OMA1: variants seen among roughly 807,000 people sequenced by gnomAD.
The protein encoded by OMA1 is metalloendopeptidase OMA1, mitochondrial.
OMA1 carries 38 observed loss-of-function variants against 30.9 expected under a neutral mutation model. The ratio of observed to expected loss-of-function variants is 1.23; its 90% CI spans 0.95 to 1.61. The LOEUF is 1.61. Among genes scored for constraint, OMA1 ranks in the 40% most tolerant of loss-of-function variants. The probability of loss-of-function intolerance (pLI) is 0.00; values close to 1 mark genes in which losing one functional copy is unlikely to be tolerated. For missense variants in OMA1, 461 were observed against 349.2 expected, an observed-to-expected ratio of 1.32 and a Z score of -2.55; for synonymous variants, 173 against 121.9, an observed-to-expected ratio of 1.42 and a Z score of -2.76.
intron 7 of OMA1, among the ~76,000 whole-genome samples, chr1:58,518,581 A>G (rs1418813666): frequency 6.6e-6 from 1 of 151,898 alleles, no homozygotes; most frequent in Non-Finnish European, 1.5e-5. Flanking sequence ...TAGAACTGCC[A>G]GGACTTGGTG....
intron 1 of OMA1, among the ~76,000 whole-genome samples, chr1:58,544,016 C>G (rs149803710): frequency 1.3e-5 from 2 of 152,130 alleles, no homozygotes; most frequent in African/African-American, 4.8e-5. Flanking sequence ...AGGGTCCAGG[C>G]AAGTGAATAT....
chr1:58,541,966 T>C (rs1485328767), intron 1 of OMA1, among the ~76,000 whole-genome samples: 5 of 152,200 alleles, frequency 3.3e-5, no homozygotes, highest in African/African-American at 1.2e-4. Context: ...AAAAAATATG[T>C]AAACTTCAAC....
intron 8 of OMA1, among the ~76,000 whole-genome samples, chr1:58,503,414 A>T (rs1569905342): frequency 6.6e-6 from 1 of 152,148 alleles, no homozygotes; most frequent in East Asian, 1.9e-4. Flanking sequence ...TATCAGGTAA[A>T]TTTCACTGCT....
chr1:58,525,323 T>A (rs1557453376), intron 7 of OMA1, among the ~76,000 whole-genome samples: 1 of 137,230 alleles, frequency 7.3e-6, no homozygotes. Context: ...ATCCTATGTA[T>A]AAGTGGATCT....
At chr1:58,489,543 A>T (rs1411286446) in intron 8 of OMA1, among the ~76,000 whole-genome samples, 1 of 152,250 alleles carries the variant, frequency 6.6e-6, no homozygotes, top group Non-Finnish European at 1.5e-5. Context: ...AAAAGGCAGC[A>T]GAAACCTCTG....
chr1:58,532,668 C>T (rs1480237370), intron 5 of OMA1, among the ~76,000 whole-genome samples: 1 of 152,124 alleles, frequency 6.6e-6, no homozygotes, highest in Non-Finnish European at 1.5e-5. Flanking sequence ...GCTGGAACTA[C>T]AGGTGTGAGC....
chr1:58,535,740 T>C lies in OMA1; in HGVS notation c.729+773A>G, dbSNP rs180763602. 2.4e-3 allele frequency among the ~76,000 whole-genome samples: 360 copies of C among 152,196 alleles called. 1 individual carries two copies. Among genetic ancestry groups the C allele is most frequent in the African/African-American group, 7.9e-3 (330 of 41,552 alleles). On this transcript the variant is annotated intron_variant, in intron 3 of 8. Coordinates refer to ENST00000371226, the MANE Select transcript of OMA1 (RefSeq NM_145243.5). The stretch of plus-strand genomic sequence containing the variant: ...CTGGAGAGAAAATGACCTCTGTCCC[T>C]AAGAAACTCACTAGGGTACAAAATG...
chr1:58,494,902 A>G (rs1168575226), intron 8 of OMA1, among the ~76,000 whole-genome samples: 1 of 152,228 alleles, frequency 6.6e-6, no homozygotes, highest in Non-Finnish European at 1.5e-5. Context: ...CATTTGACCC[A>G]GCCATCGCAT....
intron 2 of OMA1, among the ~76,000 whole-genome samples, chr1:58,537,075 T>G (rs1381687673): frequency 6.6e-6 from 1 of 151,368 alleles, no homozygotes; most frequent in Non-Finnish European, 1.5e-5. Flanking sequence ...TCTCTCTCTC[T>G]CTCTCTCTCT....
chr1:58,545,017 G>A (rs1187617989), intron 1 of OMA1, among the ~76,000 whole-genome samples: 1 of 152,098 alleles, frequency 6.6e-6, no homozygotes, highest in Non-Finnish European at 1.5e-5. Flanking sequence ...TTACAGTCAT[G>A]AGCCACCACG....
chr1:58,517,623 AAATT>A lies in OMA1; in HGVS notation c.1215+9634_1215+9637del, dbSNP rs140191321. Among the ~76,000 whole-genome samples the A allele has an allele frequency of 5.4e-3, 822 of 152,346 alleles. 4 individuals are homozygous for A. The highest frequency in any genetic ancestry group is 0.019 in the African/African-American group (788 of 41,580). ...ATTCATAATACTTCAAACTTTGTTA[AAATT>A]ATTTATTAAATTTCTGTCTCTTGAA... is the stretch of plus-strand genomic sequence containing the variant. On this transcript the variant is annotated intron_variant, in intron 7 of 8. Coordinates refer to ENST00000371226, the MANE Select transcript of OMA1 (RefSeq NM_145243.5).
chr1:58,529,400 T>C lies in OMA1; in HGVS notation c.1140+1201A>G, dbSNP rs527349042. ...AAAAAATTATGGTTAACAAAGTAGT[T>C]ATAAAGATTGCAAGACCTACTTTCA... On this transcript the variant is annotated intron_variant, in intron 6 of 8. Transcript: ENST00000371226. Among the ~76,000 whole-genome samples the C allele has an allele frequency of 4.3e-3, 662 of 152,330 alleles. 5 individuals carry two copies. The highest frequency in any genetic ancestry group is 0.013 in the South Asian group (62 of 4,830).
At chr1:58,482,379 T>C (rs1645502598) in intron 8 of OMA1, among the ~76,000 whole-genome samples, 1 of 152,238 alleles carries the variant, frequency 6.6e-6, no homozygotes, top group South Asian at 2.1e-4. Context: ...GTTGAGGGAC[T>C]GGCTGCTGAT....
chr1:58,542,182 C>A (rs1307422288), intron 1 of OMA1, among the ~76,000 whole-genome samples: 1 of 152,134 alleles, frequency 6.6e-6, no homozygotes, highest in Non-Finnish European at 1.5e-5. Flanking sequence ...TGAAATACAA[C>A]CAATTTTAAA....
chr1:58,518,281 A>AG (rs1557450254), intron 7 of OMA1, among the ~76,000 whole-genome samples: 88 of 5,910 alleles, frequency 0.015, 9 homozygotes, highest in South Asian at 0.031. Context: ...AGGAGAGGAG[A>AG]AGAGAAGAGA....
chr1:58,483,562 G>A (rs1319956743), intron 8 of OMA1, among the ~76,000 whole-genome samples: 1 of 152,200 alleles, frequency 6.6e-6, no homozygotes, highest in Non-Finnish European at 1.5e-5. Flanking sequence ...GTATTTCACA[G>A]CAGATTTAAG....
intron 7 of OMA1, among the ~76,000 whole-genome samples, chr1:58,507,105 T>C (rs1034500453): frequency 1.3e-5 from 2 of 151,950 alleles, no homozygotes; most frequent in Admixed American, 1.3e-4. Context: ...TATATTAAAA[T>C]ACATTATTTT....
At chr1:58,511,793 G>A (rs759470937) in intron 7 of OMA1, among the ~76,000 whole-genome samples, 2 of 152,076 alleles carry the variant, frequency 1.3e-5, no homozygotes, top group Non-Finnish European at 2.9e-5. Flanking sequence ...AGATTTAAAC[G>A]TAAGACCTAA....
chr1:58,538,702 TAAA>T, intron 2 of OMA1, 90 bp downstream of exon 2: 1 of 587,242 alleles, frequency 1.7e-6, no homozygotes, highest in Non-Finnish European at 2.9e-6. Context: ...GTTTTATAAA[TAAA>T]AAAATTAATT....
Sources: gnomAD v4.1 joint callset for allele counts (sites outside exome capture counted in the v4.1 genomes callset) on GRCh38, gnomAD v4.1.1 for gene constraint, MANE v1.5 for transcripts, NCBI Gene and HGNC (gene_info 2026-07-23, HGNC 2026-07-21) for gene names.